MYH11: variants seen among roughly 807,000 people sequenced by gnomAD.
The protein encoded by MYH11 is myosin-11.
Under a neutral mutation model 246.6 loss-of-function variants are expected in MYH11, and 80 were observed. The observed-to-expected ratio is 0.32, with a 90% confidence interval of 0.27 to 0.39. The LOEUF (loss-of-function observed/expected upper bound fraction) is 0.39. Ranked by LOEUF, MYH11 falls within the 10% of genes least tolerant of loss-of-function variation. The pLI is 1.00. For missense variants in MYH11, 2,158 were observed against 2,546.8 expected (o/e 0.85, Z 3.29); for synonymous variants, 1,071 against 1,015.5 (o/e 1.05, Z -1.04).
intron 40 of MYH11, chr16:15,710,982 G>C (rs2039758749): frequency 6.6e-6 from 1 of 152,392 alleles, no homozygotes; most frequent in Admixed American, 6.6e-5. Context: ...TTTGCCCCAG[G>C]AGTCTTCACA....
chr16:15,799,715 G>C (rs1009051148), intron 3 of MYH11, among the ~76,000 whole-genome samples: 1 of 152,228 alleles, frequency 6.6e-6, no homozygotes, highest in Non-Finnish European at 1.5e-5. Context: ...AGAAATCCCA[G>C]CATCATATCT....
chr16:15,771,824 G>C, intron 8 of MYH11, 112 bp from the exon 9 acceptor site: 2 of 1,399,098 alleles, frequency 1.4e-6, no homozygotes, highest in Non-Finnish European at 2.0e-6. Context: ...CCTTTATCAA[G>C]GCTTGAACCG....
intron 20 of MYH11, among the ~76,000 whole-genome samples, chr16:15,742,981 G>C (rs982544088): frequency 6.2e-5 from 9 of 144,648 alleles, no homozygotes; most frequent in African/African-American, 1.6e-4. Context: ...TGTCCAACTA[G>C]ACAGCTAGGT....
At chr16:15,786,424 G>A in intron 5 of MYH11, 1 of 764,790 alleles carries the variant, frequency 1.3e-6, no homozygotes, top group East Asian at 2.4e-5. Context: ...CCCCCTTCTG[G>A]AGGGATGCTT....
chr16:15,718,691 C>T, intron 36 of MYH11: 1 of 574,652 alleles, frequency 1.7e-6, no homozygotes, highest in South Asian at 2.1e-5. Flanking sequence ...TTCCTGGCCT[C>T]CCCTTCTCCC....
intron 27 of MYH11, 147 bp downstream of exon 27, chr16:15,732,417 G>A (rs1467404860): frequency 6.3e-6 from 8 of 1,261,464 alleles, no homozygotes; most frequent in Non-Finnish European, 8.0e-6. Context: ...GAAGCATTTT[G>A]TAAATAAATA....
intron 2 of MYH11, among the ~76,000 whole-genome samples, chr16:15,832,943 C>CTTTTTTTTTT (rs780380104): frequency 5.4e-5 from 3 of 55,440 alleles, no homozygotes; most frequent in African/African-American, 7.4e-5. Context: ...GCAACCTCAT[C>CTTTTTTTTTT]TTTTTTTTTT....
chr16:15,814,577 AAAAAAAAG>A lies in MYH11; in HGVS notation c.502+8670_502+8677del, dbSNP rs1471038342. Among the ~76,000 whole-genome samples the A allele has an allele frequency of 7.3e-3, 857 of 117,826 alleles. 23 individuals are homozygous for A. Among genetic ancestry groups the A allele is most frequent in the African/African-American group, 0.024 (819 of 33,816 alleles). The allele number at this position is 117,826 out of a possible 152,430, so 77.3% of individuals were successfully genotyped here. On this transcript the variant is annotated intron_variant, in intron 3 of 40. Coordinates refer to ENST00000300036, the MANE Select transcript of MYH11 (RefSeq NM_002474.3). ...TCAAAAAAAAAAAAAAAAAAAAAAA[AAAAAAAAG>A]GTACCAAGAAAAAAGTCTAGGTGAG...
intron 12 of MYH11, among the ~76,000 whole-genome samples, chr16:15,758,523 G>A (rs1000255221): frequency 2.0e-5 from 3 of 151,796 alleles, no homozygotes; most frequent in African/African-American, 4.8e-5. Flanking sequence ...ACAAAAATTG[G>A]CCAAGCACAG....
chr16:15,784,590 C>T, intron 5 of MYH11: 2 of 1,211,912 alleles, frequency 1.7e-6, no homozygotes, highest in East Asian at 2.4e-5. Flanking sequence ...AGGGCCTACC[C>T]CATTTCTACC....
At chr16:15,759,175 C>T (rs1291343868) in intron 12 of MYH11, among the ~76,000 whole-genome samples, 1 of 147,310 alleles carries the variant, frequency 6.8e-6, no homozygotes, top group Non-Finnish European at 1.5e-5. Context: ...TTGGTTGGAA[C>T]TGTTAGAAAA....
At chr16:15,724,851 C>T (rs1184893001) in intron 29 of MYH11, 37 bp downstream of exon 29, 31 of 1,613,774 alleles carry the variant, frequency 1.9e-5, no homozygotes, top group Non-Finnish European at 2.6e-5. Context: ...GGAAGGCCAC[C>T]CCCCAGGTCC....
At chr16:15,713,606 C>G (rs570418024) in intron 40 of MYH11, 116 of 152,070 alleles carry the variant, frequency 7.6e-4, no homozygotes, top group Non-Finnish European at 1.2e-3. Flanking sequence ...ACTGATCGTC[C>G]CACCTCAGCC....
At chr16:15,722,182 T>C (rs2151212881) in intron 31 of MYH11, among the ~76,000 whole-genome samples, 1 of 152,244 alleles carries the variant, frequency 6.6e-6, no homozygotes, top group East Asian at 1.9e-4. Context: ...TCGAAACCAC[T>C]AGACCTGCCC....
At chr16:15,813,325 G>C (rs2043183684) in intron 3 of MYH11, among the ~76,000 whole-genome samples, 1 of 151,988 alleles carries the variant, frequency 6.6e-6, no homozygotes, top group African/African-American at 2.4e-5. Context: ...CTCCAGCCTG[G>C]GCAACAGAGC....
At chr16:15,760,112 A>G (rs1408806540) in intron 11 of MYH11, among the ~76,000 whole-genome samples, 5 of 152,120 alleles carry the variant, frequency 3.3e-5, no homozygotes, top group African/African-American at 1.2e-4. Context: ...CAAAAAACAA[A>G]CAAACAAACA....
intron 6 of MYH11, among the ~76,000 whole-genome samples, chr16:15,781,855 A>C (rs185088929): frequency 2.7e-4 from 41 of 152,088 alleles, no homozygotes; most frequent in Non-Finnish European, 5.1e-4. Flanking sequence ...AAATGAGAAA[A>C]AAACAAAGAG....
intron 1 of MYH11, among the ~76,000 whole-genome samples, chr16:15,848,183 C>T (rs1172240865): frequency 6.6e-6 from 1 of 151,068 alleles, no homozygotes; most frequent in African/African-American, 2.4e-5. Context: ...TTCAGTGAGC[C>T]TGACAAATTA....
intron 6 of MYH11, among the ~76,000 whole-genome samples, chr16:15,781,048 G>T (rs2042341834): frequency 6.6e-6 from 1 of 152,040 alleles, no homozygotes; most frequent in South Asian, 2.1e-4. Context: ...CCTGGCCCGA[G>T]CATTGATATG....
Sources: allele counts gnomAD v4.1 joint callset (sites outside exome capture counted in the v4.1 genomes callset), GRCh38; gene constraint gnomAD v4.1.1; transcripts MANE v1.5; gene names NCBI Gene and HGNC (gene_info 2026-07-23, HGNC 2026-07-21).